The following NIPSNAP2 variants were observed in gnomAD, a reference collection of about 807,000 sequenced individuals.
NIPSNAP2 encodes the protein protein NipSnap homolog 2.
Under a neutral mutation model 48.4 loss-of-function variants are expected in NIPSNAP2, and 42 were observed. That is an observed-to-expected ratio of 0.87 (90% CI 0.68 to 1.12). NIPSNAP2 has a LOEUF of 1.12. Ranked by LOEUF, NIPSNAP2 falls within the 50% of genes most tolerant of loss-of-function variation. The pLI is 0.00. For missense variants in NIPSNAP2, 314 were observed against 347.3 expected, an observed-to-expected ratio of 0.90 and a Z score of 0.76; for synonymous variants, 158 against 126.6, an observed-to-expected ratio of 1.25 and a Z score of -1.67.
intron 7 of NIPSNAP2, among the ~76,000 whole-genome samples, chr7:55,993,708 C>G (rs1562769214): frequency 6.6e-6 from 1 of 151,990 alleles, no homozygotes; most frequent in African/African-American, 2.4e-5. Flanking sequence ...CCGCTGCACT[C>G]CAGCCTGGGA....
At chr7:55,971,272 G>A (rs1192972107) in intron 1 of NIPSNAP2, among the ~76,000 whole-genome samples, 1 of 152,176 alleles carries the variant, frequency 6.6e-6, no homozygotes, top group Non-Finnish European at 1.5e-5. Flanking sequence ...ACGGTTGGGG[G>A]TAGTACTGGC....
chr7:55,966,832 G>A (rs1282822579), intron 1 of NIPSNAP2, among the ~76,000 whole-genome samples: 2 of 152,108 alleles, frequency 1.3e-5, no homozygotes, highest in African/African-American at 2.4e-5. Flanking sequence ...TGCTTGAGGC[G>A]AGAGTGTGGA....
chr7:55,986,312 G>A (rs1336241378), intron 7 of NIPSNAP2, among the ~76,000 whole-genome samples: 1 of 152,086 alleles, frequency 6.6e-6, no homozygotes, highest in African/African-American at 2.4e-5. Context: ...AGGCTGCAGT[G>A]AGCCATGATT....
intron 1 of NIPSNAP2, 55 bp from the exon 2 acceptor site, chr7:55,978,071 C>T (rs939571447): frequency 6.3e-7 from 1 of 1,590,554 alleles, no homozygotes; most frequent in African/African-American, 1.3e-5. Flanking sequence ...GCCAGATTAA[C>T]TGATGGATAT....
chr7:55,981,788 G>A, intron 4 of NIPSNAP2: 1 of 466,728 alleles, frequency 2.1e-6, no homozygotes. Context: ...TAACTCATAG[G>A]CCAAAACATG....
chr7:55,990,062 G>A lies in NIPSNAP2; in HGVS notation c.618-4832G>A, dbSNP rs537279047. Reference sequence around the variant, plus strand: ...AATGGCACTACTGCACTCCAGCCTGGGCGACAGAGTGAGACTCCATCTCAG... The same window carrying A: ...AATGGCACTACTGCACTCCAGCCTGAGCGACAGAGTGAGACTCCATCTCAG... On this transcript the variant is annotated intron_variant, in intron 7 of 9. Transcript: ENST00000322090. Among the ~76,000 whole-genome samples the A allele has an allele frequency of 9.6e-4, 146 of 151,964 alleles. 1 individual carries two copies. In the Middle Eastern group the frequency reaches 0.01, roughly 11 times the overall value.
At position 55,983,776 on chromosome 7, in the gene NIPSNAP2, A is replaced by G; in HGVS notation, c.493A>G (p.Lys165Glu). The G allele has an allele frequency of 6.2e-7, 1 of 1,614,136 alleles. No homozygotes were observed. Among genetic ancestry groups the G allele is most frequent in the Non-Finnish European group, 8.5e-7 (1 of 1,179,988 alleles). Reference sequence around the variant, plus strand: ...AAGAAGTGACATGCTTCTCTCCAGGAAGAATCAGCTCCTGTTGGAGTTCAG... The same window carrying G: ...AAGAAGTGACATGCTTCTCTCCAGGGAGAATCAGCTCCTGTTGGAGTTCAG... ...KARSDMLLSR[K>E]NQLLLEFSFW... The change falls in exon 6 of 10, where the codon AAG becomes GAG. Residue 165 changes from lysine (K) to glutamate (E), a missense_variant. Coordinates refer to ENST00000322090, the MANE Select transcript of NIPSNAP2 (RefSeq NM_001483.3).
At chr7:55,970,313 T>A (rs1224590359) in intron 1 of NIPSNAP2, among the ~76,000 whole-genome samples, 1 of 151,596 alleles carries the variant, frequency 6.6e-6, no homozygotes, top group Admixed American at 6.6e-5. Context: ...ACTTAGATTT[T>A]TTTTTTTTTT....
chr7:55,989,662 A>G (rs1356892125), intron 7 of NIPSNAP2, among the ~76,000 whole-genome samples: 1 of 151,968 alleles, frequency 6.6e-6, no homozygotes. Flanking sequence ...GCAAGAATAA[A>G]TTATTGACCA....
intron 7 of NIPSNAP2, among the ~76,000 whole-genome samples, chr7:55,994,195 C>G (rs1787508485): frequency 2.0e-5 from 3 of 152,160 alleles, no homozygotes; most frequent in African/African-American, 7.2e-5. Flanking sequence ...TGCTCTAGTT[C>G]CAGGTTTGCC....
intron 3 of NIPSNAP2, chr7:55,981,025 C>G (rs1031720757): frequency 6.6e-6 from 1 of 152,578 alleles, no homozygotes; most frequent in African/African-American, 2.4e-5. Flanking sequence ...TTGTCTGCCT[C>G]TGTCTTGAAC....
At chr7:55,992,541 T>C (rs561023389) in intron 7 of NIPSNAP2, among the ~76,000 whole-genome samples, 37 of 152,134 alleles carry the variant, frequency 2.4e-4, no homozygotes, top group Non-Finnish European at 4.7e-4. Flanking sequence ...TGGATTTTTT[T>C]CCCCCTTTTG....
In NIPSNAP2 at chr7:55,982,203, A is replaced by G. The variant is rs1434554002; in HGVS notation, c.374-7A>G. ...AAACGTATACTGTCTTTTAAAATGC[A>G]TTTCAGTCCACCTCTGGAGGTATGA... On this transcript the variant is annotated splice_region_variant and splice_polypyrimidine_tract_variant and intron_variant, in intron 4 of 9. Transcript: ENST00000322090. 4 of 1,587,388 alleles carry G rather than the reference A, an allele frequency of 2.5e-6. No individual in the cohort carries two copies. The highest frequency in any genetic ancestry group is 1.3e-5 in the African/African-American group (1 of 74,326).
At chr7:55,970,210 C>A (rs1786991982) in intron 1 of NIPSNAP2, among the ~76,000 whole-genome samples, 1 of 151,956 alleles carries the variant, frequency 6.6e-6, no homozygotes. Flanking sequence ...ATACCTGGTG[C>A]TGCTGGGCAT....
At chr7:55,976,903 A>G (rs1787117637) in intron 1 of NIPSNAP2, among the ~76,000 whole-genome samples, 1 of 151,618 alleles carries the variant, frequency 6.6e-6, no homozygotes. Flanking sequence ...TCAAAAAAAG[A>G]AAGAAAAAAT....
At chr7:55,974,006 C>G (rs1330762832) in intron 1 of NIPSNAP2, among the ~76,000 whole-genome samples, 1 of 151,970 alleles carries the variant, frequency 6.6e-6, no homozygotes, top group Non-Finnish European at 1.5e-5. Context: ...TGGCGGATCA[C>G]TTAAGGCCAG....
intron 1 of NIPSNAP2, among the ~76,000 whole-genome samples, chr7:55,967,669 G>A (rs1351918359): frequency 8.7e-6 from 1 of 115,180 alleles, no homozygotes; most frequent in Admixed American, 8.6e-5. Flanking sequence ...ATTTATTTGA[G>A]ACAGAGTGTC....
intron 7 of NIPSNAP2, among the ~76,000 whole-genome samples, chr7:55,992,156 ATAAAGGAACCCAAGCGC>A: frequency 6.6e-6 from 1 of 152,112 alleles, no homozygotes; most frequent in African/African-American, 2.4e-5. Flanking sequence ...CTTTTTCACC[ATAAAGGAACCCAAGCGC>A]TTGGGTAAGG....
intron 1 of NIPSNAP2, among the ~76,000 whole-genome samples, chr7:55,969,478 G>A (rs1184764266): frequency 6.6e-6 from 1 of 152,100 alleles, no homozygotes; most frequent in Non-Finnish European, 1.5e-5. Context: ...CACTCAACAG[G>A]TACTTCGTTA....
Sources: gnomAD v4.1 joint callset for allele counts (sites outside exome capture counted in the v4.1 genomes callset) on GRCh38, gnomAD v4.1.1 for gene constraint, MANE v1.5 for transcripts, NCBI Gene and HGNC (gene_info 2026-07-23, HGNC 2026-07-21) for gene names.